Variants in TAFA1 observed in about 807,000 individuals in gnomAD.
TAFA1 encodes the protein chemokine-like protein TAFA-1.
Under a neutral mutation model 18.5 loss-of-function variants are expected in TAFA1, and 4 were observed. The ratio of observed to expected loss-of-function variants is 0.22; its 90% confidence interval spans 0.11 to 0.49. The LOEUF (loss-of-function observed/expected upper bound fraction) is 0.49, where lower values mean the gene tolerates loss of function less well. TAFA1 is among the 20% of genes least tolerant of loss of function. The probability of loss-of-function intolerance (pLI) is 0.98; values close to 1 mark genes in which losing one functional copy is unlikely to be tolerated. For synonymous variants in TAFA1, 56 were observed against 55.2 expected (o/e 1.01, Z -0.06); for missense variants, 147 against 169.0 (o/e 0.87, Z 0.72).
At chr3:68,158,846 C>T (rs544967850) in intron 2 of TAFA1, among the ~76,000 whole-genome samples, 2 of 152,104 alleles carry the variant, frequency 1.3e-5, no homozygotes, top group South Asian at 4.1e-4. Flanking sequence ...GGGCATTTTG[C>T]ATATACTGAA....
chr3:68,537,989 T>C (rs2073302839), intron 3 of TAFA1, among the ~76,000 whole-genome samples: 1 of 151,904 alleles, frequency 6.6e-6, no homozygotes, highest in East Asian at 1.9e-4. Context: ...TTTTCAAGGG[T>C]AGTTTGGTGG....
chr3:68,427,249 C>T (rs1317102316), intron 3 of TAFA1, among the ~76,000 whole-genome samples: 1 of 151,918 alleles, frequency 6.6e-6, no homozygotes, highest in Non-Finnish European at 1.5e-5. Context: ...TATGATAGCA[C>T]TTTTCATCCT....
chr3:68,166,562 A>C (rs945335601), intron 2 of TAFA1, among the ~76,000 whole-genome samples: 4 of 152,166 alleles, frequency 2.6e-5, no homozygotes, highest in Admixed American at 1.3e-4. Context: ...GGATAAGAAG[A>C]CTGCAGCACA....
intron 3 of TAFA1, among the ~76,000 whole-genome samples, chr3:68,448,685 ACTGT>A (rs1383135802): frequency 6.6e-6 from 1 of 152,142 alleles, no homozygotes; most frequent in Non-Finnish European, 1.5e-5. Context: ...GAGTACTTCA[ACTGT>A]TAATGTTGTA....
chr3:68,312,794 A>T (rs189508964), intron 2 of TAFA1, among the ~76,000 whole-genome samples: 25 of 152,308 alleles, frequency 1.6e-4, no homozygotes, highest in Middle Eastern at 3.4e-3. Flanking sequence ...GTATCTTTTC[A>T]TCAGCACCCC....
chr3:68,365,077 T>C (rs998811103), intron 2 of TAFA1, among the ~76,000 whole-genome samples: 1 of 152,180 alleles, frequency 6.6e-6, no homozygotes, highest in African/African-American at 2.4e-5. Context: ...CAGTTTGTTA[T>C]ATTAATAGTA....
chr3:68,256,008 G>GAGTATTTATCTTTGATAAATAGAT (rs2067291627), intron 2 of TAFA1, among the ~76,000 whole-genome samples: 2 of 151,974 alleles, frequency 1.3e-5, no homozygotes, highest in South Asian at 2.1e-4. Flanking sequence ...AACTCTGCTA[G>GAGTATTTATCTTTGATAAATAGAT]AGTATTTATC....
intron 2 of TAFA1, among the ~76,000 whole-genome samples, chr3:68,324,946 T>G (rs2068753650): frequency 6.6e-6 from 1 of 152,184 alleles, no homozygotes; most frequent in Non-Finnish European, 1.5e-5. Context: ...TGTCTCATTT[T>G]GCCAGTCTTC....
At chr3:68,263,399 G>T (rs189063921) in intron 2 of TAFA1, among the ~76,000 whole-genome samples, 143 of 149,806 alleles carry the variant, frequency 9.5e-4, no homozygotes, top group Non-Finnish European at 1.4e-3. Context: ...TTCAAAATTT[G>T]ACTATAATCC....
intron 2 of TAFA1, among the ~76,000 whole-genome samples, chr3:68,198,879 C>T (rs1351725575): frequency 6.6e-6 from 1 of 151,282 alleles, no homozygotes; most frequent in Non-Finnish European, 1.5e-5. Flanking sequence ...TTTAATGAAA[C>T]CCAACTTATC....
At chr3:68,393,171 A>C (rs894175872) in intron 2 of TAFA1, among the ~76,000 whole-genome samples, 2 of 151,858 alleles carry the variant, frequency 1.3e-5, no homozygotes, top group African/African-American at 4.8e-5. Context: ...AGATAAAGGG[A>C]ATATCACCAC....
chr3:68,237,096 C>G (rs915774379), intron 2 of TAFA1, among the ~76,000 whole-genome samples: 1 of 152,116 alleles, frequency 6.6e-6, no homozygotes, highest in Non-Finnish European at 1.5e-5. Flanking sequence ...AACCAAATAC[C>G]ATAAACTGGG....
chr3:68,295,881 A>G (rs1440572498), intron 2 of TAFA1, among the ~76,000 whole-genome samples: 2 of 152,146 alleles, frequency 1.3e-5, no homozygotes, highest in Non-Finnish European at 2.9e-5. Context: ...TATTCCTGGC[A>G]TTATAAGCAT....
At chr3:68,465,177 A>G (rs2071863225) in intron 3 of TAFA1, among the ~76,000 whole-genome samples, 1 of 152,106 alleles carries the variant, frequency 6.6e-6, no homozygotes, top group African/African-American at 2.4e-5. Flanking sequence ...AGTAAATGTT[A>G]TTACCTCTTG....
chr3:68,104,469 C>T (rs1326976953), intron 2 of TAFA1, among the ~76,000 whole-genome samples: 1 of 151,734 alleles, frequency 6.6e-6, no homozygotes, highest in Non-Finnish European at 1.5e-5. Context: ...TATCACATTC[C>T]TAGAATATAT....
chr3:68,266,103 G>A (rs2067540096), intron 2 of TAFA1, among the ~76,000 whole-genome samples: 1 of 152,108 alleles, frequency 6.6e-6, no homozygotes, highest in South Asian at 2.1e-4. Flanking sequence ...GCAAAAGAAA[G>A]CACCCGTGAT....
At chr3:68,049,192 A>T (rs1043250280) in intron 2 of TAFA1, among the ~76,000 whole-genome samples, 35 of 152,206 alleles carry the variant, frequency 2.3e-4, no homozygotes, top group Admixed American at 6.6e-5. Flanking sequence ...GCTGAAGTTC[A>T]TAGAAATTTC....
rs551046992 is a variant in TAFA1, at chr3:68,139,575, A to T, written c.118+132831A>T. ...TAAATATATGGAATTGCTAATTATA[A>T]TTGGGACACTTAGATTGCTTCCTTT... On this transcript the variant is annotated intron_variant, in intron 2 of 4. Coordinates refer to ENST00000478136, the MANE Select transcript of TAFA1 (RefSeq NM_213609.4). 3.3e-5 allele frequency among the ~76,000 whole-genome samples: 5 copies of T among 152,290 alleles called. No individual in the cohort carries two copies. The South Asian group carries it at 1.0e-3, about 32-fold the overall frequency.
chr3:68,381,270 T>A (rs1307049943), intron 2 of TAFA1, among the ~76,000 whole-genome samples: 1 of 151,582 alleles, frequency 6.6e-6, no homozygotes, highest in South Asian at 2.1e-4. Flanking sequence ...TTTGGTTCCA[T>A]ATGAACTTTA....
Sources: gnomAD v4.1 joint callset for allele counts (sites outside exome capture counted in the v4.1 genomes callset) on GRCh38, gnomAD v4.1.1 for gene constraint, MANE v1.5 for transcripts, NCBI Gene and HGNC (gene_info 2026-07-23, HGNC 2026-07-21) for gene names.